SLC25A32: variants seen among roughly 807,000 people sequenced by gnomAD.
SLC25A32 encodes Glycine auxotroph B, complementation of hamster.
A neutral mutation model predicts 39.0 loss-of-function variants in SLC25A32; 32 were observed. The observed-to-expected ratio is 0.82, with a 90% CI of 0.62 to 1.10. The LOEUF is 1.10. Among genes scored for constraint, SLC25A32 ranks in the 50% least tolerant of loss-of-function variants. The probability of loss-of-function intolerance (pLI) is 0.00; values close to 1 mark genes in which losing one functional copy is unlikely to be tolerated. For synonymous variants in SLC25A32, 166 were observed against 152.4 expected, an observed-to-expected ratio of 1.09 and a Z score of -0.66; for missense variants, 367 against 395.3, an observed-to-expected ratio of 0.93 and a Z score of 0.61.
At position 103,400,543 on chromosome 8, in the gene SLC25A32, T is replaced by C. The variant is rs575934105; in HGVS notation, c.816A>G (p.Lys272=). 1.2e-6 allele frequency: 2 copies of C among 1,613,844 alleles called. No individual in the cohort carries two copies. The highest frequency in any genetic ancestry group is 1.1e-5 in the South Asian group (1 of 91,070). Residue 272 remains lysine (K), a synonymous_variant, in exon 7 of 7, where the codon AAA becomes AAG. Coordinates refer to ENST00000297578, the MANE Select transcript of SLC25A32 (RefSeq NM_030780.5). ...CCTTGTAAAATCCACCGACGCCTTC[T>C]TTCCTTTAGAGGGAAAAATAGATAA... The part of the protein sequence containing the change: ...VIDVITKTWR[K]EGVGGFYKGI...
At chr8:103,407,408 C>A (rs1439337577) in intron 2 of SLC25A32, among the ~76,000 whole-genome samples, 1 of 152,066 alleles carries the variant, frequency 6.6e-6, no homozygotes, top group East Asian at 1.9e-4. Context: ...CTGATAATAG[C>A]TAATAAGCCA....
chr8:103,414,716 A>G, intron 1 of SLC25A32, 68 bp downstream of exon 1: 7 of 1,597,878 alleles, frequency 4.4e-6, no homozygotes, highest in Non-Finnish European at 6.0e-6. Context: ...TAGAACGGAA[A>G]AGACGGAGGA....
At chr8:103,405,224 C>G (rs993768922) in intron 2 of SLC25A32, among the ~76,000 whole-genome samples, 1 of 152,062 alleles carries the variant, frequency 6.6e-6, no homozygotes, top group African/African-American at 2.4e-5. Context: ...TACTGAGCAC[C>G]TACGTTCAGG....
At chr8:103,411,531 C>T (rs1267581722) in intron 1 of SLC25A32, among the ~76,000 whole-genome samples, 1 of 152,140 alleles carries the variant, frequency 6.6e-6, no homozygotes, top group Non-Finnish European at 1.5e-5. Flanking sequence ...GGAGTTCTCT[C>T]TTTCTTAGGA....
intron 1 of SLC25A32, among the ~76,000 whole-genome samples, chr8:103,412,239 C>T (rs775414231): frequency 2.6e-4 from 39 of 152,218 alleles, no homozygotes; most frequent in Non-Finnish European, 4.4e-4. Flanking sequence ...ACTACTGTTA[C>T]TGAATTTTAC....
chr8:103,410,961 T>C (rs1312721457), intron 1 of SLC25A32, among the ~76,000 whole-genome samples: 1 of 152,200 alleles, frequency 6.6e-6, no homozygotes, highest in Non-Finnish European at 1.5e-5. Flanking sequence ...CTTAATAAAA[T>C]TAATCTCCCC....
rs1164361433 is a variant in SLC25A32 at position 103,414,922 on chromosome 8, G to A, written c.16C>T (p.Gln6Ter). 1.9e-6 allele frequency: 3 copies of A among 1,607,398 alleles called. No individual in the cohort carries two copies. Among genetic ancestry groups the A allele is most frequent in the Non-Finnish European group, 2.5e-6 (3 of 1,177,398 alleles). ...CACGCCGACGACCCGGACGCCGACTGGCCCTGGCCCGTCATAGGCTCGGGG... is the reference window on the plus strand; with the variant it reads ...CACGCCGACGACCCGGACGCCGACTAGCCCTGGCCCGTCATAGGCTCGGGG... MTGQG[Q>*]SASGSSAWST... is the part of the protein sequence containing the mutation. The change falls in exon 1 of 7, where the codon CAG becomes TAG. Residue 6 changes from glutamine to a stop codon, truncating the protein, a stop_gained. Coordinates refer to ENST00000297578, the MANE Select transcript of SLC25A32 (RefSeq NM_030780.5). LOFTEE classifies it high-confidence loss of function.
chr8:103,400,459 A>G lies in SLC25A32; in HGVS notation c.900T>C (p.Tyr300=), dbSNP rs147175904. The G allele has an allele frequency of 1.2e-6, 2 of 1,614,058 alleles. No individual in the cohort carries two copies. Among genetic ancestry groups the G allele is most frequent in the Non-Finnish European group, 1.7e-6 (2 of 1,179,978 alleles). ...TPACCITFVV[Y]ENVSHFLLDL... is the part of the protein sequence containing the mutation. Reference sequence around the variant, plus strand: ...CAAGTAAAAAATGTGAGACGTTTTCATATACCACAAAGGTAATACAGCAGG... The same window carrying G: ...CAAGTAAAAAATGTGAGACGTTTTCGTATACCACAAAGGTAATACAGCAGG... The change falls in exon 7 of 7, where the codon TAT becomes TAC. Residue 300 remains tyrosine, a synonymous_variant. Coordinates refer to ENST00000297578, the MANE Select transcript of SLC25A32 (RefSeq NM_030780.5).
intron 4 of SLC25A32, 156 bp from the exon 5 acceptor site, chr8:103,402,210 G>C (rs2118058): frequency 3.8e-6 from 2 of 531,146 alleles, no homozygotes; most frequent in Admixed American, 3.6e-5. Flanking sequence ...TTAAAAACTT[G>C]TAATATAAAG....
chr8:103,413,825 A>G (rs1816522281), intron 1 of SLC25A32, among the ~76,000 whole-genome samples: 1 of 152,212 alleles, frequency 6.6e-6, no homozygotes, highest in South Asian at 2.1e-4. Context: ...AACCTTAAAG[A>G]TACACATGGC....
chr8:103,400,751 G>C (rs553341412), intron 6 of SLC25A32, among the ~76,000 whole-genome samples: 1 of 152,292 alleles, frequency 6.6e-6, no homozygotes, highest in South Asian at 2.1e-4. Context: ...GAGTAAGAGA[G>C]GGTAGGGACA....
intron 1 of SLC25A32, among the ~76,000 whole-genome samples, chr8:103,411,525 TTCTC>T (rs1357351613): frequency 1.3e-5 from 2 of 151,912 alleles, no homozygotes; most frequent in Non-Finnish European, 2.9e-5. Flanking sequence ...CACTTTGGAG[TTCTC>T]TCTTTCTTAG....
rs35225263 is a variant in SLC25A32 at position 103,400,289 on chromosome 8, A to T, written c.*122T>A. 254,871 of 1,166,646 alleles carry T rather than the reference A, an allele frequency of 0.22. 29,585 individuals are homozygous for T. Among genetic ancestry groups the T allele is most frequent in the Middle Eastern group, 0.32 (1,160 of 3,644 alleles). 72.3% of individuals were successfully genotyped at this position (1,166,646 alleles called of 1,614,324 possible). On this transcript the variant is annotated 3_prime_UTR_variant, in exon 7 of 7. Coordinates refer to ENST00000297578, the MANE Select transcript of SLC25A32 (RefSeq NM_030780.5). Reference sequence around the variant, plus strand: ...AGACTTAGCAGTTCTCTGGCTTCTAATGACTATAGAGCAATTTCGAATATG... The same window carrying T: ...AGACTTAGCAGTTCTCTGGCTTCTATTGACTATAGAGCAATTTCGAATATG...
intron 1 of SLC25A32, among the ~76,000 whole-genome samples, chr8:103,409,197 G>A (rs1452555775): frequency 2.6e-5 from 4 of 151,934 alleles, no homozygotes; most frequent in Non-Finnish European, 5.9e-5. Context: ...CTCAGTAATC[G>A]GCAACGGCAT....
At chr8:103,405,569 G>A (rs1816311619) in intron 2 of SLC25A32, among the ~76,000 whole-genome samples, 1 of 152,136 alleles carries the variant, frequency 6.6e-6, no homozygotes, top group African/African-American at 2.4e-5. Flanking sequence ...TCCATTAAAT[G>A]TTTCAGAGTA....
chr8:103,410,881 C>G (rs894004779), intron 1 of SLC25A32, among the ~76,000 whole-genome samples: 1 of 152,166 alleles, frequency 6.6e-6, no homozygotes, highest in African/African-American at 2.4e-5. Context: ...CACTATCACC[C>G]TTACACAACC....
intron 1 of SLC25A32, 63 bp downstream of exon 1, chr8:103,414,721 G>C (rs2130461750): frequency 6.2e-7 from 1 of 1,603,494 alleles, no homozygotes; most frequent in East Asian, 2.2e-5. Flanking sequence ...CGGAAAAGAC[G>C]GAGGAGATCC....
rs1230338600 is a variant in SLC25A32, at chr8:103,407,786, T to C, written c.155-2A>G. ...GTCTCAGTTCCAATCCATCACTCAC[T>C]GCATCAAGGGATACACAAAGTCAGG... On this transcript the variant is annotated splice_acceptor_variant, in intron 1 of 6. Coordinates refer to ENST00000297578, the MANE Select transcript of SLC25A32 (RefSeq NM_030780.5). LOFTEE classifies it high-confidence loss of function. 1 of 1,612,224 alleles carries C rather than the reference T, an allele frequency of 6.2e-7. No individual in the cohort carries two copies. The highest frequency in any genetic ancestry group is 8.5e-7 in the Non-Finnish European group (1 of 1,178,936).
At position 103,403,202 on chromosome 8, in the gene SLC25A32, T is replaced by C; in HGVS notation, c.514A>G (p.Lys172Glu). The change falls in exon 4 of 7, where the codon AAA (lysine) becomes GAA (glutamate). Residue 172 changes from lysine (K) to glutamate (E), a missense_variant. Lys to Glu is a moderately conservative substitution (Grantham distance 56). Transcript: ENST00000297578. ...CGCACACCTTCATACTTATATATTT[T>C]CACAAGTGTATCAAACATTCCTTTA... is the stretch of plus-strand genomic sequence containing the variant. Reference protein sequence around the residue: ...QYKGMFDTLVKIYKYEGVRGL... With the variant: ...QYKGMFDTLVEIYKYEGVRGL... The C allele has an allele frequency of 1.2e-6, 2 of 1,611,526 alleles. No homozygotes were observed. The highest frequency in any genetic ancestry group is 1.7e-6 in the Non-Finnish European group (2 of 1,178,062).
Sources: gnomAD v4.1 joint callset for allele counts (sites outside exome capture counted in the v4.1 genomes callset) on GRCh38, gnomAD v4.1.1 for gene constraint, MANE v1.5 for transcripts, NCBI Gene and HGNC (gene_info 2026-07-23, HGNC 2026-07-21) for gene names.